CAPZA1: variants seen among roughly 807,000 people sequenced by gnomAD.
The protein encoded by CAPZA1 is capping actin protein of muscle Z-line subunit alpha 1.
In CAPZA1, 10 loss-of-function variants were observed where a neutral mutation model predicts 40.8. The observed-to-expected ratio is 0.25, with a 90% CI of 0.15 to 0.42. CAPZA1 has a LOEUF of 0.42. Among genes scored for constraint, CAPZA1 ranks in the 10% least tolerant of loss-of-function variants. The pLI is 1.00. For missense variants in CAPZA1, 277 were observed against 353.8 expected (o/e 0.78, Z 1.74); for synonymous variants, 98 against 115.0 (o/e 0.85, Z 0.95).
chr1:112,642,773 A>G (rs1025934817), intron 1 of CAPZA1, among the ~76,000 whole-genome samples: 1 of 152,148 alleles, frequency 6.6e-6, no homozygotes, highest in Admixed American at 6.6e-5. Context: ...CATTTGTACC[A>G]ATTCCATCAG....
intron 1 of CAPZA1, among the ~76,000 whole-genome samples, chr1:112,623,692 AAAAAG>A (rs905957037): frequency 2.0e-5 from 3 of 150,050 alleles, no homozygotes; most frequent in Non-Finnish European, 4.4e-5. Context: ...AAAAAAAAAA[AAAAAG>A]AAAAGAAAGC....
chr1:112,638,701 G>A (rs1440831118), intron 1 of CAPZA1, among the ~76,000 whole-genome samples: 1 of 151,584 alleles, frequency 6.6e-6, no homozygotes, highest in African/African-American at 2.4e-5. Flanking sequence ...TTGGGAGACT[G>A]AAGCAGGTGG....
intron 1 of CAPZA1, among the ~76,000 whole-genome samples, chr1:112,624,311 T>C (rs1249841779): frequency 1.3e-5 from 2 of 152,034 alleles, no homozygotes; most frequent in Non-Finnish European, 2.9e-5. Flanking sequence ...TAGTGGATTA[T>C]AAATGAGGTA....
chr1:112,659,886 CT>C (rs775364965), intron 7 of CAPZA1, 107 bp downstream of exon 7: 18 of 767,632 alleles, frequency 2.3e-5, no homozygotes, highest in African/African-American at 3.5e-5. Flanking sequence ...CAAAGGGAGA[CT>C]GATGGCAGTG....
chr1:112,638,926 A>ATATAGC lies in CAPZA1; in HGVS notation c.40-8279_40-8278insCTATAG, dbSNP rs1553179156. On this transcript the variant is annotated intron_variant, in intron 1 of 9. Transcript: ENST00000263168. ...GATATAGATATAGATATAGATATAGATATAGATATAGGTATAGATATAGAG... is the reference window on the plus strand; with the variant it reads ...GATATAGATATAGATATAGATATAGATATAGCTATAGATATAGGTATAGATATAGAG... 1.8e-3 allele frequency among the ~76,000 whole-genome samples: 272 copies of ATATAGC among 148,480 alleles called. 4 individuals are homozygous for ATATAGC. Among genetic ancestry groups the ATATAGC allele is most frequent in the African/African-American group, 6.3e-3 (254 of 40,334 alleles).
At position 112,654,490 on chromosome 1, in the gene CAPZA1, T is replaced by A. The variant is rs758985231; in HGVS notation, c.245T>A (p.Leu82Gln). The change falls in exon 5 of 10, where the codon CTG becomes CAG. Residue 82 changes from leucine (L) to glutamine (Q), a missense_variant. Leu to Gln is a moderately radical substitution (Grantham distance 113). Around this residue, in one of 2 missense-constraint regions of CAPZA1, gnomAD observed 192 missense variants for 277.2 expected, o/e 0.69. Coordinates refer to ENST00000263168, the MANE Select transcript of CAPZA1 (RefSeq NM_006135.3). ...DQVLITEHGD[L>Q]GNSRFLDPRN... ...GTCTTAATTACAGAGCACGGTGACC[T>A]GGGTAATAGCAGATTTTTAGATCCA... 6.2e-7 allele frequency: 1 copy of A among 1,613,704 alleles called. No homozygotes were observed. Among genetic ancestry groups the A allele is most frequent in the Non-Finnish European group, 8.5e-7 (1 of 1,179,662 alleles).
rs1476480140 is a variant in CAPZA1, at chr1:112,619,901, C to T, written c.39+18C>T. 10 of 1,597,806 alleles carry T rather than the reference C, an allele frequency of 6.3e-6. No individual in the cohort carries two copies. The highest frequency in any genetic ancestry group is 8.5e-6 in the Non-Finnish European group (10 of 1,170,054). On this transcript the variant is annotated intron_variant, in intron 1 of 9. Coordinates refer to ENST00000263168, the MANE Select transcript of CAPZA1 (RefSeq NM_006135.3). ...AGGAGAAGGTAAGGGGTCCGCCTCT[C>T]TCTCTTACCTCCTCCCCCGACAGGG...
At chr1:112,643,529 G>A (rs1005558696) in intron 1 of CAPZA1, among the ~76,000 whole-genome samples, 4 of 152,142 alleles carry the variant, frequency 2.6e-5, no homozygotes, top group African/African-American at 9.7e-5. Flanking sequence ...AAAATGTGTA[G>A]GATTTGTAGC....
chr1:112,635,196 AACCC>A (rs1327121411), intron 1 of CAPZA1, among the ~76,000 whole-genome samples: 2 of 152,176 alleles, frequency 1.3e-5, no homozygotes, highest in Non-Finnish European at 2.9e-5. Flanking sequence ...GGGTTGGAAG[AACCC>A]AACCTTAAAA....
Position 112,636,543 on chromosome 1 carries a change from G to A in CAPZA1, c.40-10667G>A, listed in dbSNP as rs188577800. ...TTTAAAATATTCAAGGAGTTACACC[G>A]TTTAGTGTAGATACTATCTGATGAA... On this transcript the variant is annotated intron_variant, in intron 1 of 9. Coordinates refer to ENST00000263168, the MANE Select transcript of CAPZA1 (RefSeq NM_006135.3). Among the ~76,000 whole-genome samples, 28 of 151,994 alleles carry A rather than the reference G, an allele frequency of 1.8e-4. 1 individual carries two copies. The highest frequency in any genetic ancestry group is 1.7e-3 in the East Asian group (9 of 5,192).
At chr1:112,647,341 T>C in intron 2 of CAPZA1, 68 bp downstream of exon 2, 3 of 838,394 alleles carry the variant, frequency 3.6e-6, no homozygotes, top group Non-Finnish European at 5.3e-6. Flanking sequence ...GCTGTCTGTT[T>C]TAATTCTTAC....
At chr1:112,643,321 A>G (rs1035226197) in intron 1 of CAPZA1, among the ~76,000 whole-genome samples, 1 of 152,178 alleles carries the variant, frequency 6.6e-6, no homozygotes, top group Non-Finnish European at 1.5e-5. Context: ...CAGTTAATAT[A>G]AGGAGCCTTA....
At chr1:112,667,726 G>A (rs1229244623) in intron 8 of CAPZA1, among the ~76,000 whole-genome samples, 14 of 151,864 alleles carry the variant, frequency 9.2e-5, no homozygotes. Context: ...TAGAGATGAG[G>A]TTTCTATGTT....
At chr1:112,626,707 C>CT (rs1178383146) in intron 1 of CAPZA1, among the ~76,000 whole-genome samples, 1 of 152,192 alleles carries the variant, frequency 6.6e-6, no homozygotes, top group African/African-American at 2.4e-5. Flanking sequence ...CCTCAGGCCT[C>CT]TCCTTTCTTT....
At chr1:112,620,166 G>A in intron 1 of CAPZA1, 1 of 344,520 alleles carries the variant, frequency 2.9e-6, no homozygotes, top group East Asian at 4.8e-5. Flanking sequence ...GATCGTGACT[G>A]TGGACTTTTT....
chr1:112,639,272 C>T lies in CAPZA1; in HGVS notation c.40-7938C>T, dbSNP rs185161297. ...TGCCATTGCATATACTTTCAAATCT[C>T]CTCGCTTTCATTTAAAAACTGGGAG... On this transcript the variant is annotated intron_variant, in intron 1 of 9. Transcript: ENST00000263168. Among the ~76,000 whole-genome samples the T allele has an allele frequency of 1.0e-3, 154 of 152,184 alleles. 2 individuals carry two copies. Among genetic ancestry groups the T allele is most frequent in the Non-Finnish European group, 1.7e-3 (117 of 68,022 alleles).
intron 1 of CAPZA1, among the ~76,000 whole-genome samples, chr1:112,632,371 G>A (rs1212022350): frequency 6.6e-6 from 1 of 152,112 alleles, no homozygotes; most frequent in Non-Finnish European, 1.5e-5. Flanking sequence ...AAGACAGCTG[G>A]GTATTTACGT....
intron 1 of CAPZA1, chr1:112,620,629 T>G (rs1261718879): frequency 1.3e-5 from 2 of 152,234 alleles, no homozygotes. Flanking sequence ...AGGTTTTCTG[T>G]AACACATAAT....
chr1:112,620,619 A>G (rs1670607857), intron 1 of CAPZA1: 3 of 152,354 alleles, frequency 2.0e-5, no homozygotes, highest in East Asian at 1.9e-4. Context: ...ACCTCCAGAA[A>G]GGTTTTCTGT....
Sources: allele counts gnomAD v4.1 joint callset (sites outside exome capture counted in the v4.1 genomes callset), GRCh38; gene constraint gnomAD v4.1.1; regional missense constraint gnomAD v4.1.1; transcripts MANE v1.5; gene names NCBI Gene and HGNC (gene_info 2026-07-23, HGNC 2026-07-21).